Variants in CALN1 observed in about 807,000 individuals in gnomAD.
The protein encoded by CALN1 is calneuron 1.
CALN1 carries 17 observed loss-of-function variants against 30.6 expected under a neutral mutation model. That is an observed-to-expected ratio of 0.56 (90% CI 0.38 to 0.83). The LOEUF (loss-of-function observed/expected upper bound fraction) is 0.83. CALN1 is among the 40% of genes least tolerant of loss of function. The probability of loss-of-function intolerance (pLI) is 0.00; values close to 1 mark genes in which losing one functional copy is unlikely to be tolerated. For synonymous variants in CALN1, 156 were observed against 131.4 expected (o/e 1.19, Z -1.28); for missense variants, 291 against 354.9 (o/e 0.82, Z 1.45).
At chr7:72,420,840 C>T (rs1041226392) in intron 1 of CALN1, among the ~76,000 whole-genome samples, 3 of 151,928 alleles carry the variant, frequency 2.0e-5, no homozygotes, top group East Asian at 1.9e-4. Context: ...AGGATGGTCT[C>T]GATCTCCTAG....
intron 3 of CALN1, among the ~76,000 whole-genome samples, chr7:72,132,977 G>A (rs1034784053): frequency 1.3e-5 from 2 of 152,042 alleles, no homozygotes; most frequent in African/African-American, 2.4e-5. Flanking sequence ...ACCCTATTGC[G>A]AACTACACAA....
chr7:71,894,818 C>A (rs1025505860), intron 5 of CALN1, among the ~76,000 whole-genome samples: 2 of 152,142 alleles, frequency 1.3e-5, no homozygotes, highest in African/African-American at 4.8e-5. Flanking sequence ...TGTATCAATT[C>A]TGTATATTTC....
At chr7:71,883,892 G>A (rs1188285557) in intron 5 of CALN1, among the ~76,000 whole-genome samples, 1 of 152,050 alleles carries the variant, frequency 6.6e-6, no homozygotes, top group Non-Finnish European at 1.5e-5. Context: ...TTCCTCCTGA[G>A]AAACTGGATA....
At chr7:72,363,137 A>T (rs1007569847) in intron 2 of CALN1, among the ~76,000 whole-genome samples, 6 of 152,176 alleles carry the variant, frequency 3.9e-5, no homozygotes, top group African/African-American at 1.4e-4. Flanking sequence ...CCAGGTATTA[A>T]AAATATTAGT....
chr7:72,356,250 G>A (rs918912943), intron 2 of CALN1, among the ~76,000 whole-genome samples: 4 of 152,056 alleles, frequency 2.6e-5, no homozygotes, highest in African/African-American at 7.3e-5. Flanking sequence ...AAAGGGTAAG[G>A]AGCACTGGAA....
chr7:72,459,723 T>C, the CALN1 span, among the ~76,000 whole-genome samples: 1 of 151,230 alleles, frequency 6.6e-6, no homozygotes, highest in Non-Finnish European at 1.5e-5. Flanking sequence ...AGTTGCTGCA[T>C]CAAAGGAAAT....
chr7:72,278,738 A>C lies in CALN1; in HGVS notation c.192T>G (p.Ser64=). The C allele has an allele frequency of 6.2e-7, 1 of 1,614,138 alleles. No individual in the cohort carries two copies. The highest frequency in any genetic ancestry group is 8.5e-7 in the Non-Finnish European group (1 of 1,179,982). ...YKGNYLNRSL[S]AGSDSEQLAN... is the part of the protein sequence containing the mutation. ...CCAGCTGTTCGCTGTCACTGCCAGC[A>C]GAGAGCGATCGGTTGAGGTAATTCC... The change falls in exon 3 of 7, where the codon TCT becomes TCG. Residue 64 remains serine, a synonymous_variant. Coordinates refer to ENST00000395275, the MANE Select transcript of CALN1 (RefSeq NM_031468.4).
At chr7:72,345,861 G>C (rs1186237656) in intron 2 of CALN1, among the ~76,000 whole-genome samples, 1 of 152,120 alleles carries the variant, frequency 6.6e-6, no homozygotes, top group Non-Finnish European at 1.5e-5. Flanking sequence ...CTCTGAGAGA[G>C]AACAAATGTA....
intron 2 of CALN1, among the ~76,000 whole-genome samples, chr7:72,359,331 C>G (rs1041148848): frequency 6.6e-6 from 1 of 152,166 alleles, no homozygotes; most frequent in Non-Finnish European, 1.5e-5. Context: ...AACACATCTC[C>G]CTCCCCGTTT....
chr7:71,957,575 A>G (rs2129524803), intron 5 of CALN1, among the ~76,000 whole-genome samples: 1 of 152,298 alleles, frequency 6.6e-6, no homozygotes, highest in East Asian at 1.9e-4. Flanking sequence ...TCAACTTACA[A>G]ATGGCAAATC....
chr7:72,266,100 T>C (rs1034618), intron 3 of CALN1, among the ~76,000 whole-genome samples: 28,533 of 151,584 alleles, frequency 0.19, 3,705 homozygotes, highest in East Asian at 0.43. Flanking sequence ...CACCACCACA[T>C]TCCAGCCTGG....
intron 5 of CALN1, among the ~76,000 whole-genome samples, chr7:71,853,876 A>C (rs982529249): frequency 3.3e-5 from 5 of 152,172 alleles, no homozygotes; most frequent in African/African-American, 4.8e-5. Context: ...AACTGCGCCC[A>C]GCCTGAAGTT....
intron 5 of CALN1, among the ~76,000 whole-genome samples, chr7:71,980,741 T>C (rs539498755): frequency 6.6e-6 from 1 of 152,150 alleles, no homozygotes; most frequent in Admixed American, 6.5e-5. Flanking sequence ...GGAACCCAAA[T>C]GTAATGCAGA....
intron 4 of CALN1, among the ~76,000 whole-genome samples, chr7:72,038,109 C>G (rs147827012): frequency 5.9e-5 from 9 of 152,294 alleles, no homozygotes; most frequent in Non-Finnish European, 1.0e-4. Context: ...AACCACTGAT[C>G]AGTGGTCAGA....
At chr7:72,289,273 C>T (rs1798311183) in intron 2 of CALN1, among the ~76,000 whole-genome samples, 1 of 152,094 alleles carries the variant, frequency 6.6e-6, no homozygotes, top group African/African-American at 2.4e-5. Flanking sequence ...TACGTTGGAC[C>T]TCTTTGTTCA....
At chr7:72,356,070 T>C (rs1803204608) in intron 2 of CALN1, among the ~76,000 whole-genome samples, 1 of 152,232 alleles carries the variant, frequency 6.6e-6, no homozygotes, top group Admixed American at 6.5e-5. Flanking sequence ...TGTATACATG[T>C]ATCAAAATAT....
chr7:72,339,650 G>C (rs1437304807), intron 2 of CALN1, among the ~76,000 whole-genome samples: 1 of 152,228 alleles, frequency 6.6e-6, no homozygotes, highest in Admixed American at 6.5e-5. Flanking sequence ...ATATACAAAG[G>C]AAAGAGGTTT....
chr7:72,421,573 CTTTTTTT>C (rs772198450), intron 1 of CALN1, among the ~76,000 whole-genome samples: 1 of 58,624 alleles, frequency 1.7e-5, no homozygotes, highest in African/African-American at 8.5e-5. Context: ...TTTTATCCTA[CTTTTTTT>C]TTTTTTTTTT....
chr7:72,345,952 A>G (rs1200105716), intron 2 of CALN1, among the ~76,000 whole-genome samples: 2 of 152,192 alleles, frequency 1.3e-5, no homozygotes, highest in Admixed American at 6.6e-5. Context: ...CCGAATTAAG[A>G]AAAAATAAAG....
Sources: allele counts gnomAD v4.1 joint callset (sites outside exome capture counted in the v4.1 genomes callset), GRCh38; gene constraint gnomAD v4.1.1; transcripts MANE v1.5; gene names NCBI Gene and HGNC (gene_info 2026-07-23, HGNC 2026-07-21).